CHMP4C: variants seen among roughly 807,000 people sequenced by gnomAD.
CHMP4C encodes charged multivesicular body protein 4C.
CHMP4C carries 28 observed loss-of-function variants against 29.0 expected under a neutral mutation model. The ratio of observed to expected loss-of-function variants is 0.97; its 90% CI spans 0.72 to 1.32. The LOEUF (loss-of-function observed/expected upper bound fraction) is 1.32. CHMP4C is among the 40% of genes most tolerant of loss of function. The pLI, the probability that CHMP4C is intolerant of heterozygous loss-of-function variation, is 0.00. For missense variants in CHMP4C, 291 were observed against 281.0 expected, an observed-to-expected ratio of 1.04 and a Z score of -0.25; for synonymous variants, 106 against 102.4, an observed-to-expected ratio of 1.04 and a Z score of -0.21.
intron 1 of CHMP4C, among the ~76,000 whole-genome samples, chr8:81,748,118 T>C (rs1169418065): frequency 1.3e-5 from 2 of 152,204 alleles, no homozygotes; most frequent in Non-Finnish European, 2.9e-5. Flanking sequence ...TTCAGCGATA[T>C]TTCTCCCATT....
chr8:81,742,777 C>T (rs1447055095), intron 1 of CHMP4C, among the ~76,000 whole-genome samples: 1 of 152,048 alleles, frequency 6.6e-6, no homozygotes, highest in East Asian at 1.9e-4. Context: ...AAAACTTCTA[C>T]TGTATTAACT....
At chr8:81,756,863 G>C (rs975715080) in intron 3 of CHMP4C, among the ~76,000 whole-genome samples, 2 of 152,110 alleles carry the variant, frequency 1.3e-5, no homozygotes, top group African/African-American at 4.8e-5. Flanking sequence ...GGACGCCAGG[G>C]TATTCATTCT....
intron 1 of CHMP4C, among the ~76,000 whole-genome samples, chr8:81,748,924 TA>T (rs34505643): frequency 0.015 from 1,838 of 120,284 alleles, 26 homozygotes; most frequent in African/African-American, 0.049. Flanking sequence ...AGACTCTGTG[TA>T]AAAAAAAAAA....
intron 1 of CHMP4C, among the ~76,000 whole-genome samples, chr8:81,736,240 T>C (rs80124864): frequency 0.011 from 1,715 of 152,114 alleles, 39 homozygotes; most frequent in East Asian, 0.096. Flanking sequence ...ACTGCAGCCT[T>C]GACCTCCGAG....
Position 81,746,765 on chromosome 8 carries a change from G to A in CHMP4C, c.191-6299G>A, listed in dbSNP as rs866178308. Among the ~76,000 whole-genome samples the A allele has an allele frequency of 2.0e-5, 3 of 152,282 alleles. No individual in the cohort carries two copies. The Middle Eastern group carries it at 0.01, about 518-fold the overall frequency. On this transcript the variant is annotated intron_variant, in intron 1 of 4. Transcript: ENST00000297265. ...AAGCAGAAACCATATGCTAACATAG[G>A]TGTTTAAAATTATGTCCAAACCAGA...
chr8:81,751,625 C>T (rs905925760), intron 1 of CHMP4C, among the ~76,000 whole-genome samples: 29 of 151,744 alleles, frequency 1.9e-4, no homozygotes, highest in Admixed American at 1.1e-3. Context: ...ACAATTTAAT[C>T]GATCTACATA....
At chr8:81,746,366 G>A (rs1357832521) in intron 1 of CHMP4C, among the ~76,000 whole-genome samples, 3 of 152,302 alleles carry the variant, frequency 2.0e-5, no homozygotes, top group Admixed American at 6.5e-5. Flanking sequence ...AGGCAGCCTG[G>A]CACTGAATCC....
Position 81,758,231 on chromosome 8 carries a change from T to G in CHMP4C, c.573T>G (p.Ser191=), listed in dbSNP as rs746496226. ...TCCGCCTTCCAAATGTGCCTTCCTCTTCTCTCCCAGCACAGCCAAATAGAA... is the reference window on the plus strand; with the variant it reads ...TCCGCCTTCCAAATGTGCCTTCCTCGTCTCTCCCAGCACAGCCAAATAGAA... ...TNIRLPNVPS[S]SLPAQPNRKP... is the part of the protein sequence containing the mutation. The change falls in exon 4 of 5, where the codon TCT becomes TCG. Residue 191 remains serine (S), a synonymous_variant. Coordinates refer to ENST00000297265, the MANE Select transcript of CHMP4C (RefSeq NM_152284.4). 5.0e-6 allele frequency: 8 copies of G among 1,613,868 alleles called. No homozygotes were observed. Among genetic ancestry groups the G allele is most frequent in the Non-Finnish European group, 5.9e-6 (7 of 1,179,954 alleles).
At chr8:81,744,102 T>C (rs1342965749) in intron 1 of CHMP4C, among the ~76,000 whole-genome samples, 1 of 152,184 alleles carries the variant, frequency 6.6e-6, no homozygotes, top group African/African-American at 2.4e-5. Flanking sequence ...TATATCACTG[T>C]TGTGTGTTGG....
At chr8:81,753,022 C>T (rs1379619369) in intron 1 of CHMP4C, 42 bp from the exon 2 acceptor site, 8 of 1,529,086 alleles carry the variant, frequency 5.2e-6, no homozygotes, top group Non-Finnish European at 7.1e-6. Context: ...GATTTAGTGT[C>T]TCTTTCTCTT....
Position 81,742,476 on chromosome 8 carries a change from G to T in CHMP4C, c.190+9660G>T, listed in dbSNP as rs536450413. ...TTACATGTGTATGTTTAACCTAGAT[G>T]GAAATTTAGAGGAGTAAAATTATGC... On this transcript the variant is annotated intron_variant, in intron 1 of 4. Transcript: ENST00000297265. 5.9e-5 allele frequency among the ~76,000 whole-genome samples: 9 copies of T among 152,292 alleles called. No individual in the cohort carries two copies. In the South Asian group the frequency reaches 1.9e-3, roughly 32 times the overall value.
intron 1 of CHMP4C, among the ~76,000 whole-genome samples, chr8:81,747,237 C>T (rs1201001368): frequency 1.3e-5 from 2 of 152,072 alleles, no homozygotes; most frequent in Non-Finnish European, 2.9e-5. Flanking sequence ...TTCAGAGCTC[C>T]ACCCTTTATA....
At chr8:81,755,323 A>G in intron 2 of CHMP4C, 47 bp from the exon 3 acceptor site, 1 of 1,054,670 alleles carries the variant, frequency 9.5e-7, no homozygotes, top group Non-Finnish European at 1.4e-6. Context: ...TAAATTCATA[A>G]TTATAAGTTA....
At position 81,746,076 on chromosome 8, in the gene CHMP4C, A is replaced by G. The variant is rs533762595; in HGVS notation, c.191-6988A>G. Among the ~76,000 whole-genome samples, 11 of 152,296 alleles carry G rather than the reference A, an allele frequency of 7.2e-5. No homozygotes were observed. The South Asian group carries it at 2.3e-3, about 32-fold the overall frequency. ...TGTATCAGTGGCATCATCGTTTCAT[A>G]TAAGGAACAGCTCACTGAGAGACTC... On this transcript the variant is annotated intron_variant, in intron 1 of 4. Transcript: ENST00000297265.
intron 1 of CHMP4C, among the ~76,000 whole-genome samples, chr8:81,737,328 G>A (rs962323517): frequency 6.6e-6 from 1 of 152,026 alleles, no homozygotes; most frequent in African/African-American, 2.4e-5. Context: ...TGTGGGCCAG[G>A]GTTAAGGATG....
chr8:81,756,219 G>A (rs1487314769), intron 3 of CHMP4C, among the ~76,000 whole-genome samples: 2 of 152,126 alleles, frequency 1.3e-5, no homozygotes, highest in Non-Finnish European at 2.9e-5. Context: ...TGTAGACAAG[G>A]GGTCAGCAAA....
rs1167405909 is a variant in CHMP4C, at chr8:81,732,565, G to A, written c.-62G>A. The A allele has an allele frequency of 2.3e-6, 3 of 1,331,176 alleles. No individual in the cohort carries two copies. The highest frequency in any genetic ancestry group is 2.5e-5 in the East Asian group (1 of 39,560). 82.5% of individuals were successfully genotyped at this position (1,331,176 alleles called of 1,614,324 possible). A position where few individuals can be genotyped will look rare whatever the true frequency, so the allele number is the denominator to read the frequency against. ...ACTGCCTTGCTCACCTGTCCCCTCG[G>A]CGCGGCCCCGGGGAGCTCCCGAGAG... On this transcript the variant is annotated 5_prime_UTR_variant, in exon 1 of 5. Coordinates refer to ENST00000297265, the MANE Select transcript of CHMP4C (RefSeq NM_152284.4).
At chr8:81,748,522 C>A (rs1808859052) in intron 1 of CHMP4C, among the ~76,000 whole-genome samples, 1 of 152,184 alleles carries the variant, frequency 6.6e-6, no homozygotes, top group Admixed American at 6.5e-5. Flanking sequence ...AAAATCTTCA[C>A]AATCCATGTT....
At chr8:81,757,682 A>G (rs1808989271) in intron 3 of CHMP4C, among the ~76,000 whole-genome samples, 1 of 152,232 alleles carries the variant, frequency 6.6e-6, no homozygotes, top group Non-Finnish European at 1.5e-5. Context: ...TTGATAAAAG[A>G]ACCATAGTAT....
Sources: allele counts gnomAD v4.1 joint callset (sites outside exome capture counted in the v4.1 genomes callset), GRCh38; gene constraint gnomAD v4.1.1; transcripts MANE v1.5; gene names NCBI Gene and HGNC (gene_info 2026-07-23, HGNC 2026-07-21).